Variants in TMEM132D observed in about 807,000 individuals in gnomAD.
TMEM132D encodes mature OL transmembrane protein.
In TMEM132D, 21 loss-of-function variants were observed where a neutral mutation model predicts 62.3. That is an observed-to-expected ratio of 0.34 (90% CI 0.24 to 0.49). The LOEUF is 0.49. TMEM132D is among the 20% of genes least tolerant of loss of function. The pLI is 0.99. For missense variants in TMEM132D, 1,346 were observed against 1,402.8 expected, an observed-to-expected ratio of 0.96 and a Z score of 0.65; for synonymous variants, 621 against 575.6, an observed-to-expected ratio of 1.08 and a Z score of -1.13.
chr12:129,420,334 G>T (rs7963040), intron 3 of TMEM132D, among the ~76,000 whole-genome samples: 1 of 131,092 alleles, frequency 7.6e-6, no homozygotes, highest in Non-Finnish European at 1.6e-5. Flanking sequence ...TTTTTTTGCA[G>T]TATCTGGGCC....
At chr12:129,575,253 G>A (rs1168673970) in intron 2 of TMEM132D, among the ~76,000 whole-genome samples, 2 of 151,672 alleles carry the variant, frequency 1.3e-5, no homozygotes, top group Non-Finnish European at 2.9e-5. Flanking sequence ...TTTGTTACTG[G>A]TGAGGCTACC....
intron 2 of TMEM132D, among the ~76,000 whole-genome samples, chr12:129,533,886 A>G (rs1052553309): frequency 2.0e-5 from 3 of 152,236 alleles, no homozygotes; most frequent in African/African-American, 4.8e-5. Context: ...GGCATACTCA[A>G]GAGGTATCCT....
chr12:129,572,986 C>T (rs1398018126), intron 2 of TMEM132D, among the ~76,000 whole-genome samples: 2 of 152,014 alleles, frequency 1.3e-5, no homozygotes, highest in East Asian at 1.9e-4. Context: ...ATGTAGGTAA[C>T]GAAGGGTTAG....
chr12:129,747,766 C>A (rs1310102991), intron 1 of TMEM132D, among the ~76,000 whole-genome samples: 1 of 151,292 alleles, frequency 6.6e-6, no homozygotes, highest in Non-Finnish European at 1.5e-5. Flanking sequence ...CAGACACACA[C>A]ACACTCAACA....
At chr12:129,308,433 G>A (rs946198382) in intron 4 of TMEM132D, among the ~76,000 whole-genome samples, 11 of 152,106 alleles carry the variant, frequency 7.2e-5, no homozygotes, top group Admixed American at 5.2e-4. Flanking sequence ...ATGGTACGTC[G>A]TGTACATAAC....
chr12:129,519,173 A>G (rs1465574191), intron 3 of TMEM132D, among the ~76,000 whole-genome samples: 3 of 152,216 alleles, frequency 2.0e-5, no homozygotes, highest in Non-Finnish European at 4.4e-5. Context: ...TCAGGGCTCT[A>G]TGAACTTGGC....
intron 4 of TMEM132D, among the ~76,000 whole-genome samples, chr12:129,230,020 GC>G (rs1458184109): frequency 6.6e-5 from 10 of 152,182 alleles, no homozygotes; most frequent in African/African-American, 2.4e-4. Flanking sequence ...CATGTCTTCT[GC>G]CCACACTAAT....
intron 3 of TMEM132D, among the ~76,000 whole-genome samples, chr12:129,442,344 G>T (rs1340991079): frequency 6.6e-6 from 1 of 152,186 alleles, no homozygotes; most frequent in Non-Finnish European, 1.5e-5. Context: ...GGTAATTAGT[G>T]CACTTGCTCT....
intron 3 of TMEM132D, among the ~76,000 whole-genome samples, chr12:129,442,373 G>T (rs76099426): frequency 7.2e-5 from 11 of 152,132 alleles, no homozygotes; most frequent in Admixed American, 2.6e-4. Context: ...GGCTCCATGC[G>T]TATGTGTTAA....
intron 1 of TMEM132D, among the ~76,000 whole-genome samples, chr12:129,902,579 A>T (rs1181813704): frequency 5.3e-5 from 8 of 152,218 alleles, no homozygotes; most frequent in Admixed American, 5.2e-4. Context: ...GCTTCAAGTC[A>T]GGGCTCCGCT....
intron 3 of TMEM132D, among the ~76,000 whole-genome samples, chr12:129,436,359 C>T (rs73422569): frequency 0.047 from 7,176 of 152,124 alleles, 570 homozygotes; most frequent in African/African-American, 0.16. Context: ...CATGCATCAT[C>T]GAAAGGTATG....
chr12:129,460,935 A>C (rs1294235741), intron 3 of TMEM132D, among the ~76,000 whole-genome samples: 1 of 152,174 alleles, frequency 6.6e-6, no homozygotes, highest in African/African-American at 2.4e-5. Context: ...TCTGGGAAGC[A>C]AATGTGTGAC....
chr12:129,498,930 G>A (rs1199676664), intron 3 of TMEM132D, among the ~76,000 whole-genome samples: 1 of 152,086 alleles, frequency 6.6e-6, no homozygotes, highest in Admixed American at 6.5e-5. Context: ...CTCCCTCCAG[G>A]GAATCACTTC....
intron 1 of TMEM132D, among the ~76,000 whole-genome samples, chr12:129,799,537 G>A (rs1238210216): frequency 6.6e-6 from 1 of 152,010 alleles, no homozygotes; most frequent in Non-Finnish European, 1.5e-5. Context: ...ACCTGGAGCT[G>A]CAGGTTTTCC....
At chr12:129,194,891 A>AT (rs1878505112) in intron 5 of TMEM132D, among the ~76,000 whole-genome samples, 1 of 152,154 alleles carries the variant, frequency 6.6e-6, no homozygotes, top group South Asian at 2.1e-4. Context: ...ACCAAGAGAG[A>AT]TGGCCCTCTC....
intron 3 of TMEM132D, among the ~76,000 whole-genome samples, chr12:129,506,067 A>G (rs1489948150): frequency 6.6e-6 from 1 of 152,132 alleles, no homozygotes; most frequent in East Asian, 1.9e-4. Context: ...TCATCATGCT[A>G]TTTGTTGCCT....
At chr12:129,695,880 G>C (rs142040259) in intron 2 of TMEM132D, among the ~76,000 whole-genome samples, 88 of 152,330 alleles carry the variant, frequency 5.8e-4, no homozygotes, top group African/African-American at 2.0e-3. Context: ...GCATGGCCAA[G>C]CTGGGTCCCA....
intron 3 of TMEM132D, among the ~76,000 whole-genome samples, chr12:129,356,962 C>T (rs1351322602): frequency 7.6e-6 from 1 of 131,428 alleles, no homozygotes; most frequent in Non-Finnish European, 1.6e-5. Context: ...GAGGGGAGGG[C>T]AAGGCCGGGC....
At chr12:129,705,105 G>A (rs529057852) in intron 1 of TMEM132D, among the ~76,000 whole-genome samples, 28 of 152,180 alleles carry the variant, frequency 1.8e-4, no homozygotes, top group African/African-American at 3.4e-4. Context: ...TAGAAAAGGC[G>A]AAGCAATGGA....
Sources: allele counts gnomAD v4.1 joint callset (sites outside exome capture counted in the v4.1 genomes callset), GRCh38; gene constraint gnomAD v4.1.1; transcripts MANE v1.5; gene names NCBI Gene and HGNC (gene_info 2026-07-23, HGNC 2026-07-21).